CALM2: variants seen among roughly 807,000 people sequenced by gnomAD.
The protein encoded by CALM2 is calmodulin-2.
CALM2 carries 2 observed loss-of-function variants against 19.8 expected under a neutral mutation model. The ratio of observed to expected loss-of-function variants is 0.10; its 90% CI spans 0.04 to 0.32. The LOEUF (loss-of-function observed/expected upper bound fraction) is 0.32. CALM2 is among the 10% of genes least tolerant of loss of function. The pLI is 1.00. For missense variants in CALM2, 38 were observed against 178.7 expected, an observed-to-expected ratio of 0.21 and a Z score of 4.49; for synonymous variants, 51 against 52.1, an observed-to-expected ratio of 0.98 and a Z score of 0.09.
At chr2:47,176,783 G>A, upstream of CALM2, 2 of 985,460 alleles carry the variant, frequency 2.0e-6, no homozygotes, top group Non-Finnish European at 2.4e-6. Flanking sequence ...CGGCGCGGAG[G>A]AGCATCGTGG....
chr2:47,160,718 A>G lies in CALM2; in HGVS notation c.*58T>C. 9.8e-7 allele frequency: 1 copy of G among 1,015,954 alleles called. No individual in the cohort carries two copies. The highest frequency in any genetic ancestry group is 2.7e-5 in the East Asian group (1 of 37,418). The allele number at this position is 1,015,954 out of a possible 1,614,324, so 62.9% of individuals were successfully genotyped here. A position where few individuals can be genotyped will look rare whatever the true frequency, so the allele number is the denominator to read the frequency against. Reference sequence around the variant, plus strand: ...ACCTTTTACAGATAAGTTACAAACAAAGAAAAGGCAAATAAACAATTTTGT... The same window carrying G: ...ACCTTTTACAGATAAGTTACAAACAGAGAAAAGGCAAATAAACAATTTTGT... On this transcript the variant is annotated 3_prime_UTR_variant, in exon 6 of 6. Coordinates refer to ENST00000272298, the MANE Select transcript of CALM2 (RefSeq NM_001743.6).
chr2:47,172,550 C>G (rs998065772), intron 1 of CALM2: 13 of 1,006,120 alleles, frequency 1.3e-5, no homozygotes, highest in Non-Finnish European at 1.7e-5. Flanking sequence ...ATTTCCACAC[C>G]GAATGTAGAC....
At chr2:47,176,903 C>G, upstream of CALM2, 1 of 985,394 alleles carries the variant, frequency 1.0e-6, no homozygotes, top group Non-Finnish European at 1.2e-6. Flanking sequence ...GCGGCTTCTG[C>G]CGTTGCTGCT....
At chr2:47,164,787 C>T (rs913994333) in intron 2 of CALM2, among the ~76,000 whole-genome samples, 1 of 152,122 alleles carries the variant, frequency 6.6e-6, no homozygotes, top group African/African-American at 2.4e-5. Context: ...CATAGCCATA[C>T]ATTTGAAAAT....
chr2:47,176,172 C>A, intron 1 of CALM2: 1 of 513,256 alleles, frequency 1.9e-6, no homozygotes. Context: ...GACCCATCCT[C>A]CTCCAGCCAA....
At chr2:47,176,802 C>T (rs1176996828), upstream of CALM2, 11 of 985,306 alleles carry the variant, frequency 1.1e-5, no homozygotes, top group Non-Finnish European at 3.6e-6. Flanking sequence ...GGCGGCGATG[C>T]GTCCCCCGTT....
At chr2:47,173,806 G>C (rs560062335) in intron 1 of CALM2, 1 of 152,258 alleles carries the variant, frequency 6.6e-6, no homozygotes, top group East Asian at 1.9e-4. Context: ...TGGAAGCCAG[G>C]ATATTTGTTT....
rs181551510 is a variant in CALM2 at position 47,160,984 on chromosome 2, A to G, written c.422-180T>C. Among the ~76,000 whole-genome samples the G allele has an allele frequency of 3.8e-4, 58 of 152,266 alleles. No homozygotes were observed. In the East Asian group the frequency reaches 6.4e-3, roughly 17 times the overall value. On this transcript the variant is annotated intron_variant, in intron 5 of 5. Transcript: ENST00000272298. ...TGCCCAGGCTGGAACTTCATTAACC[A>G]TAACTATTCAGGTTTATTAGTAAGA...
chr2:47,169,725 C>T (rs1240891929), intron 2 of CALM2, among the ~76,000 whole-genome samples: 1 of 152,002 alleles, frequency 6.6e-6, no homozygotes, highest in Admixed American at 6.6e-5. Flanking sequence ...TTCTGGTATC[C>T]CCCAAACTTC....
At position 47,176,484 on chromosome 2, in the gene CALM2, C is replaced by A. The variant is rs561181367; in HGVS notation, c.-41G>T. The stretch of plus-strand genomic sequence containing the variant: ...GGTTTCCGAGACGCGACCACACAAC[C>A]ACTCAGCTCGCTCTCTCCACTCGGA... On this transcript the variant is annotated 5_prime_UTR_variant, in exon 1 of 6. Transcript: ENST00000272298. 6.2e-7 allele frequency: 1 copy of A among 1,613,504 alleles called. No homozygotes were observed. The highest frequency in any genetic ancestry group is 8.5e-7 in the Non-Finnish European group (1 of 1,179,856).
Position 47,176,450 on chromosome 2 carries a change from A to G in CALM2, c.-7T>C. ...TCAGCGATGCACTCACCATGCTGCA[A>G]GCGCTACCGGTTTCCGAGACGCGAC... On this transcript the variant is annotated 5_prime_UTR_variant, in exon 1 of 6. Coordinates refer to ENST00000272298, the MANE Select transcript of CALM2 (RefSeq NM_001743.6). The G allele has an allele frequency of 6.2e-7, 1 of 1,613,652 alleles. No individual in the cohort carries two copies.
intron 1 of CALM2, chr2:47,172,510 A>G: frequency 8.3e-7 from 1 of 1,211,916 alleles, no homozygotes. Context: ...CAAAGAACCT[A>G]CAATGTTAAA....
At chr2:47,162,192 A>ACC in intron 4 of CALM2, 94 bp downstream of exon 4, 1 of 490,420 alleles carries the variant, frequency 2.0e-6, no homozygotes, top group South Asian at 3.5e-5. Context: ...AAAAAAAAAA[A>ACC]AAAAAAAACA....
chr2:47,175,352 A>G (rs1445055859), intron 1 of CALM2, among the ~76,000 whole-genome samples: 1 of 152,024 alleles, frequency 6.6e-6, no homozygotes, highest in Non-Finnish European at 1.5e-5. Context: ...TCAAGCATAG[A>G]ATAGGGACAG....
In CALM2 at chr2:47,176,244, G is replaced by T. The variant is rs11842; in HGVS notation, c.3+197C>A. On this transcript the variant is annotated intron_variant, in intron 1 of 5. Transcript: ENST00000272298. ...TCCGGCCCTCAACTCACTAGAGGAA[G>T]CCCCCCTGAAGAGAATGGGGGTGGG... 65,700 of 608,642 alleles carry T rather than the reference G, an allele frequency of 0.11. 5,002 individuals carry two copies. The highest frequency in any genetic ancestry group is 0.26 in the African/African-American group (14,115 of 53,632). The allele number at this position is 608,642 out of a possible 1,614,324, so 37.7% of individuals were successfully genotyped here.
At position 47,165,517 on chromosome 2, in the gene CALM2, A is replaced by T. The variant is rs116196946; in HGVS notation, c.35-2855T>A. ...ACTATCTCATTTTTTTGCAGCATCC[A>T]AAACTGCATGGAAAAACTCTCAAAA... On this transcript the variant is annotated intron_variant, in intron 2 of 5. Coordinates refer to ENST00000272298, the MANE Select transcript of CALM2 (RefSeq NM_001743.6). Among the ~76,000 whole-genome samples the T allele has an allele frequency of 8.2e-4, 125 of 152,312 alleles. 1 individual carries two copies. Among genetic ancestry groups the T allele is most frequent in the African/African-American group, 2.9e-3 (121 of 41,582 alleles).
At chr2:47,164,330 T>C (rs1211707669) in intron 2 of CALM2, among the ~76,000 whole-genome samples, 1 of 134,292 alleles carries the variant, frequency 7.4e-6, no homozygotes, top group East Asian at 2.2e-4. Context: ...GTGCCTGTAG[T>C]CCCCCGTCTC....
At chr2:47,176,223 G>A (rs906275959) in intron 1 of CALM2, 2 of 569,578 alleles carry the variant, frequency 3.5e-6, no homozygotes, top group Admixed American at 3.2e-5. Context: ...TGTGCGTCCG[G>A]CCCTCAACTC....
chr2:47,162,229 G>A (rs1440946974), intron 4 of CALM2, 57 bp downstream of exon 4: 20 of 409,128 alleles, frequency 4.9e-5, no homozygotes, highest in African/African-American at 3.5e-4. Context: ...TCTTCATAAT[G>A]AGTCCTGGTA....
Sources: allele counts gnomAD v4.1 joint callset (sites outside exome capture counted in the v4.1 genomes callset), GRCh38; gene constraint gnomAD v4.1.1; transcripts MANE v1.5; gene names NCBI Gene and HGNC (gene_info 2026-07-23, HGNC 2026-07-21).